Variants in EFR3A observed in about 807,000 individuals in gnomAD.
EFR3A encodes the protein protein EFR3 homolog A.
A neutral mutation model predicts 104.4 loss-of-function variants in EFR3A; 76 were observed. The ratio of observed to expected loss-of-function variants is 0.73; its 90% CI spans 0.60 to 0.88. The LOEUF (loss-of-function observed/expected upper bound fraction) is 0.88. Ranked by LOEUF, EFR3A falls within the 40% of genes least tolerant of loss-of-function variation. The pLI, the probability that EFR3A is intolerant of heterozygous loss-of-function variation, is 0.00. For missense variants in EFR3A, 985 were observed against 1,012.5 expected (o/e 0.97, Z 0.37); for synonymous variants, 330 against 330.0 (o/e 1.00, Z 0.00).
intron 18 of EFR3A, among the ~76,000 whole-genome samples, chr8:131,989,195 T>C (rs866864349): frequency 5.9e-5 from 9 of 152,294 alleles, no homozygotes; most frequent in African/African-American, 1.9e-4. Context: ...CCTACCTTAA[T>C]GCAGAAACAG....
At chr8:131,943,315 T>C (rs1280742697) in intron 2 of EFR3A, among the ~76,000 whole-genome samples, 1 of 152,106 alleles carries the variant, frequency 6.6e-6, no homozygotes, top group Non-Finnish European at 1.5e-5. Context: ...TTTCCAATTA[T>C]ATACCGTAAG....
intron 22 of EFR3A, among the ~76,000 whole-genome samples, chr8:132,008,796 A>G (rs1466916362): frequency 1.4e-5 from 2 of 147,180 alleles, no homozygotes; most frequent in African/African-American, 5.0e-5. Context: ...CAGTGAGCCA[A>G]GATCACACAA....
chr8:132,012,405 A>G lies in EFR3A; in HGVS notation c.*1510A>G, dbSNP rs1489685107. Reference sequence around the variant, plus strand: ...AAAACCAGTCTAGTCATTGAAACCTATGAAATGACACTGAAAGATCCTGGG... The same window carrying G: ...AAAACCAGTCTAGTCATTGAAACCTGTGAAATGACACTGAAAGATCCTGGG... On this transcript the variant is annotated 3_prime_UTR_variant, in exon 23 of 23. Transcript: ENST00000254624. 2.0e-5 allele frequency: 3 copies of G among 152,220 alleles called. No homozygotes were observed. The highest frequency in any genetic ancestry group is 7.2e-5 in the African/African-American group (3 of 41,462). 9.4% of individuals were successfully genotyped at this position (152,220 alleles called of 1,614,324 possible).
At chr8:131,942,838 A>G (rs1818228452) in intron 2 of EFR3A, among the ~76,000 whole-genome samples, 1 of 152,056 alleles carries the variant, frequency 6.6e-6, no homozygotes, top group East Asian at 1.9e-4. Context: ...TTCCTAGGCA[A>G]AGAGATGAGT....
At chr8:131,922,520 T>G (rs1336191537) in intron 1 of EFR3A, among the ~76,000 whole-genome samples, 1 of 152,190 alleles carries the variant, frequency 6.6e-6, no homozygotes, top group Non-Finnish European at 1.5e-5. Flanking sequence ...TTGATAAGGT[T>G]AATTCAACCT....
At chr8:132,008,861 A>AAAAG (rs1822174914) in intron 22 of EFR3A, among the ~76,000 whole-genome samples, 1 of 150,392 alleles carries the variant, frequency 6.6e-6, no homozygotes, top group South Asian at 2.1e-4. Context: ...AAAAAAAAAA[A>AAAAG]AAAAAAAAAA....
intron 19 of EFR3A, among the ~76,000 whole-genome samples, chr8:131,999,586 A>G (rs1821686382): frequency 4.6e-5 from 7 of 151,066 alleles, no homozygotes; most frequent in Admixed American, 4.0e-4. Flanking sequence ...CCCTCTATAG[A>G]GTTGGAACAG....
At chr8:131,991,190 C>G (rs1262949012) in intron 18 of EFR3A, among the ~76,000 whole-genome samples, 1 of 152,084 alleles carries the variant, frequency 6.6e-6, no homozygotes, top group Non-Finnish European at 1.5e-5. Flanking sequence ...CCCTGATAAA[C>G]CGATCAGATC....
rs1019671910 is a variant in EFR3A, at chr8:131,944,869, C to G, written c.212C>G (p.Ser71Cys). 2 of 1,607,132 alleles carry G rather than the reference C, an allele frequency of 1.2e-6. No individual in the cohort carries two copies. The highest frequency in any genetic ancestry group is 1.7e-6 in the Non-Finnish European group (2 of 1,177,518). The change falls in exon 3 of 23, where the codon TCT becomes TGT. Residue 71 changes from serine (S) to cysteine (C), a missense_variant. Coordinates refer to ENST00000254624, the MANE Select transcript of EFR3A (RefSeq NM_015137.6). ...AGCAGGGATGTTGTCAGACATCGTT[C>G]TGGGTAAGGAAACTAATGGCTGCTA... is the stretch of plus-strand genomic sequence containing the variant. ...RLSRDVVRHR[S>C]GYVLIAMEAL...
chr8:131,936,604 C>T (rs923604234), intron 1 of EFR3A, among the ~76,000 whole-genome samples: 2 of 152,110 alleles, frequency 1.3e-5, no homozygotes, highest in African/African-American at 4.8e-5. Flanking sequence ...ACCTGTGCTT[C>T]TGCCAGCTAT....
rs1818109332 is a variant in EFR3A at position 131,940,481 on chromosome 8, T to A, written c.11-18T>A. On this transcript the variant is annotated intron_variant, in intron 1 of 22. Transcript: ENST00000254624. ...TATTAATAATATCTGTATTTCTTGA[T>A]TTTTTTTTTTTTAACAGGAGTATGC... The A allele has an allele frequency of 5.9e-6, 4 of 682,212 alleles. No homozygotes were observed. Among genetic ancestry groups the A allele is most frequent in the Non-Finnish European group, 7.8e-6 (4 of 512,268 alleles). 42.3% of individuals were successfully genotyped at this position (682,212 alleles called of 1,614,324 possible).
chr8:131,940,615 C>T, intron 2 of EFR3A, 40 bp downstream of exon 2: 2 of 1,574,598 alleles, frequency 1.3e-6, no homozygotes, highest in Non-Finnish European at 1.7e-6. Flanking sequence ...TCTTTGCTGA[C>T]CCATTCTGCC....
At chr8:131,977,162 C>A in intron 12 of EFR3A, 70 bp downstream of exon 12, 1 of 1,066,806 alleles carries the variant, frequency 9.4e-7, no homozygotes, top group Non-Finnish European at 1.4e-6. Flanking sequence ...TGAATAGCTT[C>A]ATGTTACAAC....
intron 1 of EFR3A, among the ~76,000 whole-genome samples, chr8:131,933,448 C>T (rs1817717738): frequency 7.3e-6 from 1 of 137,130 alleles, no homozygotes; most frequent in South Asian, 2.5e-4. Flanking sequence ...AAGCCAGGAT[C>T]AGATGAAATG....
chr8:131,979,268 A>C, intron 13 of EFR3A, 78 bp from the exon 14 acceptor site: 7 of 1,193,684 alleles, frequency 5.9e-6, no homozygotes, highest in Non-Finnish European at 8.3e-6. Flanking sequence ...CCTAAGTATA[A>C]ATACAATTTT....
At chr8:131,974,866 A>G (rs1346826449) in intron 10 of EFR3A, among the ~76,000 whole-genome samples, 2 of 152,236 alleles carry the variant, frequency 1.3e-5, no homozygotes, top group Non-Finnish European at 2.9e-5. Context: ...CATTAACTCC[A>G]GTAATAGAAG....
intron 19 of EFR3A, among the ~76,000 whole-genome samples, chr8:131,997,185 A>C (rs1388496290): frequency 6.6e-6 from 1 of 152,100 alleles, no homozygotes; most frequent in Non-Finnish European, 1.5e-5. Context: ...TTTCATAGTC[A>C]AGTAAAAATG....
At chr8:131,931,551 C>G in intron 1 of EFR3A, among the ~76,000 whole-genome samples, 1 of 152,012 alleles carries the variant, frequency 6.6e-6, no homozygotes, top group African/African-American at 2.4e-5. Context: ...TGATTTCTTA[C>G]AATCTCAATA....
chr8:131,994,007 A>G (rs1341078696), intron 18 of EFR3A, among the ~76,000 whole-genome samples: 1 of 152,128 alleles, frequency 6.6e-6, no homozygotes, highest in Non-Finnish European at 1.5e-5. Context: ...GGGTGATGAA[A>G]TAATCTGTAC....
Sources: gnomAD v4.1 joint callset for allele counts (sites outside exome capture counted in the v4.1 genomes callset) on GRCh38, gnomAD v4.1.1 for gene constraint, MANE v1.5 for transcripts, NCBI Gene and HGNC (gene_info 2026-07-23, HGNC 2026-07-21) for gene names.